FAM118B: variants seen among roughly 807,000 people sequenced by gnomAD.
The protein encoded by FAM118B is protein FAM118B.
A neutral mutation model predicts 38.5 loss-of-function variants in FAM118B; 24 were observed. The ratio of observed to expected loss-of-function variants is 0.62; its 90% CI spans 0.45 to 0.88. The LOEUF (loss-of-function observed/expected upper bound fraction) is 0.88, where lower values mean the gene tolerates loss of function less well. Among genes scored for constraint, FAM118B ranks in the 40% least tolerant of loss-of-function variants. The pLI is 0.00. For synonymous variants in FAM118B, 138 were observed against 156.3 expected, an observed-to-expected ratio of 0.88 and a Z score of 0.87; for missense variants, 334 against 420.0, an observed-to-expected ratio of 0.80 and a Z score of 1.79.
intron 4 of FAM118B, among the ~76,000 whole-genome samples, chr11:126,242,880 G>A (rs1014571628): frequency 2.6e-5 from 4 of 152,174 alleles, no homozygotes; most frequent in Non-Finnish European, 5.9e-5. Context: ...ATACCTAAGC[G>A]AATGGAAAGC....
At chr11:126,233,806 G>C in intron 2 of FAM118B, 1 of 447,480 alleles carries the variant, frequency 2.2e-6, no homozygotes, top group Non-Finnish European at 4.5e-6. Flanking sequence ...TTTTGGGCTG[G>C]GTGCAGTGGC....
At chr11:126,247,454 C>T (rs567061227) in intron 4 of FAM118B, among the ~76,000 whole-genome samples, 2 of 152,160 alleles carry the variant, frequency 1.3e-5, no homozygotes, top group African/African-American at 4.8e-5. Flanking sequence ...AGGTTTTAAC[C>T]TTTTCTATTC....
At chr11:126,233,429 G>T (rs575129329) in intron 2 of FAM118B, among the ~76,000 whole-genome samples, 1 of 152,330 alleles carries the variant, frequency 6.6e-6, no homozygotes, top group East Asian at 1.9e-4. Flanking sequence ...AGGTTGCAGT[G>T]AGCCGAGATT....
At chr11:126,215,435 A>T (rs1949965426) in intron 1 of FAM118B, among the ~76,000 whole-genome samples, 1 of 152,186 alleles carries the variant, frequency 6.6e-6, no homozygotes, top group African/African-American at 2.4e-5. Flanking sequence ...GCGGTGGCTT[A>T]CGCCTGTAAC....
At chr11:126,230,690 A>T (rs1950197638) in intron 2 of FAM118B, among the ~76,000 whole-genome samples, 1 of 152,124 alleles carries the variant, frequency 6.6e-6, no homozygotes, top group Non-Finnish European at 1.5e-5. Flanking sequence ...TATCACTCTG[A>T]GCTCCTTCTG....
intron 3 of FAM118B, among the ~76,000 whole-genome samples, chr11:126,240,194 A>T (rs963689290): frequency 2.6e-5 from 4 of 151,842 alleles, no homozygotes; most frequent in Admixed American, 2.0e-4. Flanking sequence ...ACTTTTTGTC[A>T]TGTCCTTTGA....
chr11:126,261,836 T>G (rs953798805), intron 8 of FAM118B, among the ~76,000 whole-genome samples: 1 of 152,010 alleles, frequency 6.6e-6, no homozygotes, highest in African/African-American at 2.4e-5. Flanking sequence ...AAAAAAAATT[T>G]TTTTAAATTG....
chr11:126,233,704 C>G (rs1204478044), intron 2 of FAM118B: 1 of 456,198 alleles, frequency 2.2e-6, no homozygotes, highest in Non-Finnish European at 4.4e-6. Flanking sequence ...AATTACACTG[C>G]GTGTGATGGA....
chr11:126,226,120 C>G (rs1237643417), intron 1 of FAM118B, among the ~76,000 whole-genome samples: 1 of 151,556 alleles, frequency 6.6e-6, no homozygotes, highest in Non-Finnish European at 1.5e-5. Context: ...AGGAACGTGG[C>G]GCAAGTTCCT....
intron 7 of FAM118B, among the ~76,000 whole-genome samples, chr11:126,259,136 T>C (rs1321745341): frequency 6.6e-6 from 1 of 152,246 alleles, no homozygotes; most frequent in Non-Finnish European, 1.5e-5. Flanking sequence ...AAACATCATT[T>C]CATTTTGAAA....
chr11:126,245,395 C>A (rs929399309), intron 4 of FAM118B: 8 of 152,050 alleles, frequency 5.3e-5, no homozygotes, highest in Admixed American at 2.0e-4. Context: ...TCAAAGCTTA[C>A]TACAGAGCCA....
chr11:126,250,766 C>G lies in FAM118B; in HGVS notation c.567+33C>G, dbSNP rs1279333265. On this transcript the variant is annotated intron_variant, in intron 5 of 8. Coordinates refer to ENST00000533050, the MANE Select transcript of FAM118B (RefSeq NM_024556.4). The surrounding 1 kb of genome is among the most constrained non-coding windows in gnomAD (Gnocchi z 5.1). The stretch of plus-strand genomic sequence containing the variant: ...GTAAAGCATTGGTCCCTTCTTCAGG[C>G]TAGTGGATTTTATCTTCCTCAGAAA... 1.3e-6 allele frequency: 2 copies of G among 1,490,244 alleles called. No homozygotes were observed. Among genetic ancestry groups the G allele is most frequent in the Non-Finnish European group, 1.9e-6 (2 of 1,079,414 alleles). 92.3% of individuals were successfully genotyped at this position (1,490,244 alleles called of 1,614,324 possible).
At chr11:126,248,552 TAG>T (rs528714070) in intron 4 of FAM118B, among the ~76,000 whole-genome samples, 90 of 151,840 alleles carry the variant, frequency 5.9e-4, no homozygotes, top group African/African-American at 2.1e-3. Flanking sequence ...TTATTTTTAG[TAG>T]AGAGATGGGG....
intron 1 of FAM118B, among the ~76,000 whole-genome samples, chr11:126,227,519 T>A (rs984436259): frequency 1.3e-5 from 2 of 152,270 alleles, no homozygotes; most frequent in African/African-American, 4.8e-5. Flanking sequence ...AATTGTGTAA[T>A]GATGAATGAA....
rs909815187 is a variant in FAM118B at position 126,217,620 on chromosome 11, C to T, written c.-77+5790C>T. 2.6e-5 allele frequency among the ~76,000 whole-genome samples: 4 copies of T among 152,174 alleles called. No homozygotes were observed. In the South Asian group the frequency reaches 8.3e-4, roughly 32 times the overall value. ...AAATGTATCACCTGTTTATTGGAGC[C>T]CTGCCCCCTCCTCCTGCCTTTACTG... On this transcript the variant is annotated intron_variant, in intron 1 of 8. Coordinates refer to ENST00000533050, the MANE Select transcript of FAM118B (RefSeq NM_024556.4).
chr11:126,224,352 A>G (rs1272934546), intron 1 of FAM118B, among the ~76,000 whole-genome samples: 3 of 151,888 alleles, frequency 2.0e-5, no homozygotes, highest in African/African-American at 7.3e-5. Context: ...ATGCACCTGT[A>G]GCACCTGTAG....
chr11:126,228,158 G>A (rs547820087), intron 1 of FAM118B, among the ~76,000 whole-genome samples: 2 of 151,910 alleles, frequency 1.3e-5, no homozygotes, highest in South Asian at 4.2e-4. Context: ...GAAGTGAAAA[G>A]GGGTGAAAAT....
chr11:126,256,657 T>C lies in FAM118B; in HGVS notation c.787T>C (p.Leu263=). The part of the protein sequence containing the change: ...VDDTTFQALF[L]EAVKHKSDLE... ...TGACACCACTTTCCAGGCCCTTTTC[T>C]TGGAGGCTGTCAAGCATAAATCTGA... Residue 263 remains leucine (L), a synonymous_variant, in exon 7 of 9, where the codon TTG becomes CTG. Transcript: ENST00000533050. The surrounding 1 kb of genome is among the most constrained non-coding windows in gnomAD (Gnocchi z 6.6). The C allele has an allele frequency of 6.2e-7, 1 of 1,614,200 alleles. No homozygotes were observed. Among genetic ancestry groups the C allele is most frequent in the African/African-American group, 1.3e-5 (1 of 75,044 alleles).
At chr11:126,237,065 C>T (rs372708311) in intron 3 of FAM118B, among the ~76,000 whole-genome samples, 25 of 149,482 alleles carry the variant, frequency 1.7e-4, no homozygotes, top group Admixed American at 4.7e-4. Context: ...TACAGGCGCC[C>T]GCCACCATGC....
Sources: gnomAD v4.1 joint callset for allele counts (sites outside exome capture counted in the v4.1 genomes callset) on GRCh38, gnomAD v4.1.1 for gene constraint, Gnocchi (gnomAD v3.1) non-coding constraint, MANE v1.5 for transcripts, NCBI Gene and HGNC (gene_info 2026-07-23, HGNC 2026-07-21) for gene names.